The following TYMS variants were observed in gnomAD, a reference collection of about 807,000 sequenced individuals.
The protein encoded by TYMS is thymidylate synthase.
TYMS carries 21 observed loss-of-function variants against 39.3 expected under a neutral mutation model. The ratio of observed to expected loss-of-function variants is 0.54; its 90% CI spans 0.38 to 0.77. The LOEUF is 0.77. Among genes scored for constraint, TYMS ranks in the 30% least tolerant of loss-of-function variants. The probability of loss-of-function intolerance (pLI) is 0.00; values close to 1 mark genes in which losing one functional copy is unlikely to be tolerated. For synonymous variants in TYMS, 171 were observed against 162.2 expected (o/e 1.05, Z -0.41); for missense variants, 273 against 406.7 (o/e 0.67, Z 2.83).
At chr18:664,462 A>G (rs1055080672) in intron 3 of TYMS, among the ~76,000 whole-genome samples, 6 of 143,584 alleles carry the variant, frequency 4.2e-5, no homozygotes, top group Admixed American at 4.1e-4. Context: ...GTCGTCTGCA[A>G]ACAGGGACAA....
chr18:664,474 T>C (rs1237936166), intron 3 of TYMS, among the ~76,000 whole-genome samples: 1 of 142,654 alleles, frequency 7.0e-6, no homozygotes, highest in African/African-American at 2.8e-5. Context: ...CAGGGACAAT[T>C]TGACTTCCTC....
chr18:671,265 C>A (rs1478181036), intron 5 of TYMS, 115 bp from the exon 6 acceptor site: 2 of 786,376 alleles, frequency 2.5e-6, no homozygotes, highest in Non-Finnish European at 4.4e-6. Flanking sequence ...AAAAGCTACA[C>A]TAAATTATTT....
At chr18:667,493 T>A (rs375110922) in intron 3 of TYMS, among the ~76,000 whole-genome samples, 3 of 32,792 alleles carry the variant, frequency 9.1e-5, no homozygotes, top group Admixed American at 4.4e-4. Context: ...ATGGTGATGG[T>A]GATGGAGATG....
At chr18:667,346 AGATGGTGATGGTGATGGAGATGGT>A (rs1567990410) in intron 3 of TYMS, among the ~76,000 whole-genome samples, 7 of 8,608 alleles carry the variant, frequency 8.1e-4, no homozygotes, top group Admixed American at 1.4e-3. Context: ...ATGGTGATGG[AGATGGTGATGGTGATGGAGATGGT>A]GATGGTGATG....
In TYMS at chr18:658,372, C is replaced by G; in HGVS notation, c.205+425C>G. ...CCCTGTGGACCATTCCGCTTCGCAGCGTTTTCAAAAACTGGAGCGAAAGTG... is the reference window on the plus strand; with the variant it reads ...CCCTGTGGACCATTCCGCTTCGCAGGGTTTTCAAAAACTGGAGCGAAAGTG... On this transcript the variant is annotated intron_variant, in intron 1 of 6. Coordinates refer to ENST00000323274, the MANE Select transcript of TYMS (RefSeq NM_001071.4). This position sits in a 1 kb window ranked among gnomAD's most constrained non-coding sequence, Gnocchi z 4.5. 7.8e-7 allele frequency: 1 copy of G among 1,279,416 alleles called. No individual in the cohort carries two copies. The highest frequency in any genetic ancestry group is 1.0e-6 in the Non-Finnish European group (1 of 983,286). 79.3% of individuals were successfully genotyped at this position (1,279,416 alleles called of 1,614,324 possible).
rs2075138856 is a variant in TYMS at position 673,042 on chromosome 18, T to C, written c.*45T>C. 4.1e-6 allele frequency: 6 copies of C among 1,457,200 alleles called. No homozygotes were observed. The highest frequency in any genetic ancestry group is 5.5e-6 in the Non-Finnish European group (6 of 1,087,310). The allele number at this position is 1,457,200 out of a possible 1,614,324, so 90.3% of individuals were successfully genotyped here. A position where few individuals can be genotyped will look rare whatever the true frequency, so the allele number is the denominator to read the frequency against. ...GAAGGATATTGTCAGTCTTTAGGGG[T>C]TGGGCTGGATGCCGAGGTAAAAGTT... On this transcript the variant is annotated 3_prime_UTR_variant, in exon 7 of 7. Coordinates refer to ENST00000323274, the MANE Select transcript of TYMS (RefSeq NM_001071.4).
rs1164295086 is a variant in TYMS at position 667,613 on chromosome 18, AGATGGGT to A, written c.455-1453_455-1447del. The A allele has an allele frequency of 3.6e-4, 35 of 97,558 alleles. 13 individuals are homozygous for A. The highest frequency in any genetic ancestry group is 1.7e-3 in the African/African-American group (33 of 19,536). 6.0% of individuals were successfully genotyped at this position (97,558 alleles called of 1,614,324 possible). A position where few individuals can be genotyped will look rare whatever the true frequency, so the allele number is the denominator to read the frequency against. On this transcript the variant is annotated intron_variant, in intron 3 of 6. Coordinates refer to ENST00000323274, the MANE Select transcript of TYMS (RefSeq NM_001071.4). ...GTGATGGTGATGGTGATGGTGATGG[AGATGGGT>A]GATGGTGATGGTTGCCTAACATCAG...
rs2075059920 is a variant in TYMS, at chr18:671,729, G to A, written c.804+278G>A. The A allele has an allele frequency of 9.3e-6, 4 of 432,180 alleles. 1 individual carries two copies. In the South Asian group the frequency reaches 1.1e-4, roughly 11 times the overall value. The allele number at this position is 432,180 out of a possible 1,614,324, so 26.8% of individuals were successfully genotyped here. A position where few individuals can be genotyped will look rare whatever the true frequency, so the allele number is the denominator to read the frequency against. ...AAGCCAGGGGATTGTCCAAAAGGGG[G>A]CATTTTAACTCATTTTAACTTGAAG... On this transcript the variant is annotated intron_variant, in intron 6 of 6. Coordinates refer to ENST00000323274, the MANE Select transcript of TYMS (RefSeq NM_001071.4).
At chr18:668,174 G>A (rs1470581045) in intron 3 of TYMS, among the ~76,000 whole-genome samples, 1 of 151,870 alleles carries the variant, frequency 6.6e-6, no homozygotes, top group Non-Finnish European at 1.5e-5. Context: ...TTTAGCACGT[G>A]TAGACTCTTG....
At chr18:671,067 G>A (rs2075021645) in intron 5 of TYMS, 200 bp downstream of exon 5, 5 of 644,186 alleles carry the variant, frequency 7.8e-6, no homozygotes, top group Non-Finnish European at 1.3e-5. Flanking sequence ...CGCACTAACA[G>A]ATCTATACAG....
intron 6 of TYMS, 113 bp downstream of exon 6, chr18:671,564 TGTG>T: frequency 1.3e-6 from 1 of 772,738 alleles, no homozygotes; most frequent in South Asian, 1.5e-5. Context: ...CTGCTCCAAA[TGTG>T]GGGCTTCAGT....
chr18:658,631 G>GGA lies in TYMS; in HGVS notation c.205+684_205+685insGA. 1 of 228,374 alleles carries GGA rather than the reference G, an allele frequency of 4.4e-6. No homozygotes were observed. Among genetic ancestry groups the GGA allele is most frequent in the Non-Finnish European group, 8.5e-6 (1 of 117,524 alleles). The allele number at this position is 228,374 out of a possible 1,614,324, so 14.1% of individuals were successfully genotyped here. On this transcript the variant is annotated intron_variant, in intron 1 of 6. Coordinates refer to ENST00000323274, the MANE Select transcript of TYMS (RefSeq NM_001071.4). The surrounding 1 kb of genome is among the most constrained non-coding windows in gnomAD (Gnocchi z 4.5). The stretch of plus-strand genomic sequence containing the variant: ...GGTCATTGGCGCCAGGCTTTCAGGG[G>GGA]ACAGTGGGGCGGGGCGGGGTGGGCA...
intron 3 of TYMS, among the ~76,000 whole-genome samples, chr18:665,404 T>A (rs1311993338): frequency 6.6e-6 from 1 of 151,692 alleles, no homozygotes; most frequent in Non-Finnish European, 1.5e-5. Context: ...TTGATTCTTC[T>A]CTTTTTCTTT....
chr18:667,853 AT>A (rs1418331258), intron 3 of TYMS: 1 of 152,046 alleles, frequency 6.6e-6, no homozygotes, highest in Non-Finnish European at 1.5e-5. Flanking sequence ...CCTGCCTAGT[AT>A]TCAATTATTT....
chr18:670,979 A>C (rs940918157), intron 5 of TYMS, 112 bp downstream of exon 5: 1 of 1,309,964 alleles, frequency 7.6e-7, no homozygotes, highest in Admixed American at 2.5e-5. Flanking sequence ...TTTAAATTTG[A>C]TATGTGTAAG....
chr18:667,153 GGT>G (rs1421060913), intron 3 of TYMS, among the ~76,000 whole-genome samples: 7 of 103,998 alleles, frequency 6.7e-5, no homozygotes, highest in Admixed American at 8.7e-5. Context: ...TGATGGTGAT[GGT>G]GATGGAGATG....
In TYMS at chr18:658,293, G is replaced by A; in HGVS notation, c.205+346G>A. 7 of 1,406,380 alleles carry A rather than the reference G, an allele frequency of 5.0e-6. No homozygotes were observed. In the African/African-American group the frequency reaches 5.7e-5, roughly 12 times the overall value. The allele number at this position is 1,406,380 out of a possible 1,614,324, so 87.1% of individuals were successfully genotyped here. ...CTGGAGGGTTAGGGAGAGCTGCCTGGGCTTGACCGCGCGCCGGTCTCAAAG... is the reference window on the plus strand; with the variant it reads ...CTGGAGGGTTAGGGAGAGCTGCCTGAGCTTGACCGCGCGCCGGTCTCAAAG... On this transcript the variant is annotated intron_variant, in intron 1 of 6. Coordinates refer to ENST00000323274, the MANE Select transcript of TYMS (RefSeq NM_001071.4). The surrounding 1 kb of genome is among the most constrained non-coding windows in gnomAD (Gnocchi z 4.5).
intron 3 of TYMS, among the ~76,000 whole-genome samples, chr18:667,203 T>C (rs796098656): frequency 8.2e-5 from 5 of 61,274 alleles, no homozygotes; most frequent in Admixed American, 1.3e-4. Flanking sequence ...ATGGTGATGG[T>C]GATGGTGATG....
chr18:671,005 C>G, intron 5 of TYMS, 138 bp downstream of exon 5: 1 of 1,065,368 alleles, frequency 9.4e-7, no homozygotes. Context: ...AATGAACCAG[C>G]TTTTACTTTG....
Sources: gnomAD v4.1 joint callset for allele counts (sites outside exome capture counted in the v4.1 genomes callset) on GRCh38, gnomAD v4.1.1 for gene constraint, Gnocchi (gnomAD v3.1) non-coding constraint, MANE v1.5 for transcripts, NCBI Gene and HGNC (gene_info 2026-07-23, HGNC 2026-07-21) for gene names.